The following TTC9 variants were observed in gnomAD, a reference collection of about 807,000 sequenced individuals.
The protein encoded by TTC9 is tetratricopeptide repeat protein 9A.
In TTC9, 13 loss-of-function variants were observed where a neutral mutation model predicts 22.9. The observed-to-expected ratio is 0.57, with a 90% CI of 0.37 to 0.90. TTC9 has a LOEUF of 0.90. Among genes scored for constraint, TTC9 ranks in the 40% least tolerant of loss-of-function variants. The pLI is 0.01. For synonymous variants in TTC9, 148 were observed against 133.2 expected (o/e 1.11, Z -0.77); for missense variants, 280 against 291.8 (o/e 0.96, Z 0.29).
At chr14:70,649,724 T>TA (rs759868520) in intron 1 of TTC9, among the ~76,000 whole-genome samples, 15 of 152,370 alleles carry the variant, frequency 9.8e-5, no homozygotes, top group South Asian at 4.1e-4. Context: ...ATCATCTCTG[T>TA]AGCAAAGACA....
At position 70,642,195 on chromosome 14, in the gene TTC9, G is replaced by A. The variant is rs891081353; in HGVS notation, c.66G>A (p.Gly22=). Residue 22 remains glycine (G), a synonymous_variant, in exon 1 of 3, where the codon GGG becomes GGA. Transcript: ENST00000256367. ...CGAGCCCGCCCGCGGCCGGAGAGGG[G>A]CAGCGGCCACCGCCGCCGCTGTGCG... is the stretch of plus-strand genomic sequence containing the variant. ...GNPSPPAAGE[G]QRPPPPLCVP... 3.2e-6 allele frequency: 4 copies of A among 1,241,028 alleles called. No individual in the cohort carries two copies. Among genetic ancestry groups the A allele is most frequent in the East Asian group, 6.8e-5 (2 of 29,494 alleles). The allele number at this position is 1,241,028 out of a possible 1,614,324, so 76.9% of individuals were successfully genotyped here. A position where few individuals can be genotyped will look rare whatever the true frequency, so the allele number is the denominator to read the frequency against.
At chr14:70,653,973 C>A (rs998308860) in intron 1 of TTC9, among the ~76,000 whole-genome samples, 6 of 152,164 alleles carry the variant, frequency 3.9e-5, no homozygotes, top group Non-Finnish European at 8.8e-5. Context: ...CCCCACCCAC[C>A]CTCTTGTGCA....
At chr14:70,663,038 G>A (rs1055319078) in intron 1 of TTC9, among the ~76,000 whole-genome samples, 1 of 152,080 alleles carries the variant, frequency 6.6e-6, no homozygotes, top group African/African-American at 2.4e-5. Flanking sequence ...CTGCTTATCC[G>A]CCTCCACTCT....
chr14:70,663,711 G>C (rs1166418152), intron 1 of TTC9, among the ~76,000 whole-genome samples: 1 of 141,898 alleles, frequency 7.0e-6, no homozygotes, highest in African/African-American at 2.6e-5. Flanking sequence ...CCAGGTGGGT[G>C]GGGGGGCGGG....
chr14:70,666,491 G>T (rs1269960777), intron 1 of TTC9, among the ~76,000 whole-genome samples: 2 of 152,120 alleles, frequency 1.3e-5, no homozygotes, highest in African/African-American at 4.8e-5. Flanking sequence ...GATGTTACTG[G>T]TACAAGACTA....
chr14:70,674,583 C>T lies in TTC9; in HGVS notation c.*3428C>T, dbSNP rs2139654892. 1 of 152,294 alleles carries T rather than the reference C, an allele frequency of 6.6e-6. No homozygotes were observed. Among genetic ancestry groups the T allele is most frequent in the Non-Finnish European group, 1.5e-5 (1 of 68,020 alleles). 9.4% of individuals were successfully genotyped at this position (152,294 alleles called of 1,614,324 possible). Reference sequence around the variant, plus strand: ...TAGTCAGAAGTAAATCTTCTCCCTACCCCGTCTGCCAGCATCTAGTTTCCC... The same window carrying T: ...TAGTCAGAAGTAAATCTTCTCCCTATCCCGTCTGCCAGCATCTAGTTTCCC... On this transcript the variant is annotated 3_prime_UTR_variant, in exon 3 of 3. Transcript: ENST00000256367.
intron 1 of TTC9, among the ~76,000 whole-genome samples, chr14:70,644,006 C>T (rs59854984): frequency 0.086 from 13,027 of 152,230 alleles, 964 homozygotes; most frequent in East Asian, 0.41. Context: ...CCTTTAGTTC[C>T]TGTAAGTCTT....
At chr14:70,666,625 G>A (rs190387083) in intron 1 of TTC9, among the ~76,000 whole-genome samples, 12 of 152,246 alleles carry the variant, frequency 7.9e-5, no homozygotes, top group Non-Finnish European at 2.9e-5. Context: ...GAAGGACTTG[G>A]ATTCTGGAGC....
chr14:70,666,996 G>A (rs1886224773), intron 1 of TTC9, among the ~76,000 whole-genome samples: 1 of 152,232 alleles, frequency 6.6e-6, no homozygotes, highest in African/African-American at 2.4e-5. Flanking sequence ...GGGGCTAGGA[G>A]TCCAAGATCC....
intron 1 of TTC9, among the ~76,000 whole-genome samples, chr14:70,661,139 G>A (rs530802285): frequency 6.6e-5 from 10 of 152,232 alleles, no homozygotes; most frequent in African/African-American, 2.4e-4. Context: ...GTAGCCCCAG[G>A]CACTCACTGG....
Position 70,667,758 on chromosome 14 carries a change from A to G in TTC9, c.589+12A>G. 1.3e-6 allele frequency: 2 copies of G among 1,573,122 alleles called. No individual in the cohort carries two copies. The highest frequency in any genetic ancestry group is 2.7e-5 in the African/African-American group (2 of 73,776). ...CCAACAACCAACAGGTAAGGCGGAA[A>G]TAGCTGTTTTCTTACTTCCTCCCTG... On this transcript the variant is annotated intron_variant, in intron 2 of 2. Transcript: ENST00000256367.
intron 1 of TTC9, among the ~76,000 whole-genome samples, chr14:70,642,885 C>A (rs1885845247): frequency 6.6e-6 from 1 of 152,198 alleles, no homozygotes; most frequent in Non-Finnish European, 1.5e-5. Context: ...CCACCGCTAG[C>A]CCAGCTTTTT....
intron 1 of TTC9, among the ~76,000 whole-genome samples, chr14:70,651,384 A>T (rs183505036): frequency 2.8e-5 from 4 of 143,664 alleles, no homozygotes; most frequent in Non-Finnish European, 4.4e-5. Context: ...CTGTGTAGAG[A>T]AATTATGAGT....
intron 1 of TTC9, among the ~76,000 whole-genome samples, chr14:70,651,948 T>C (rs1330930524): frequency 1.3e-5 from 2 of 151,070 alleles, no homozygotes; most frequent in Non-Finnish European, 1.5e-5. Context: ...ATCTAAATCC[T>C]TTCTGGTTTA....
intron 1 of TTC9, among the ~76,000 whole-genome samples, chr14:70,660,478 AC>A (rs1886130416): frequency 6.6e-6 from 1 of 152,266 alleles, no homozygotes; most frequent in Admixed American, 6.5e-5. Flanking sequence ...TTTCTAAAGA[AC>A]TAGTATTTAT....
Position 70,672,200 on chromosome 14 carries a change from C to A in TTC9, c.*1045C>A, listed in dbSNP as rs541392230. On this transcript the variant is annotated 3_prime_UTR_variant, in exon 3 of 3. Coordinates refer to ENST00000256367, the MANE Select transcript of TTC9 (RefSeq NM_015351.2). ...CAGCCTTTGTGCTTTTAAGAGTGGGCTGGGATTGTGGAGACTGCCCAGGGG... is the reference window on the plus strand; with the variant it reads ...CAGCCTTTGTGCTTTTAAGAGTGGGATGGGATTGTGGAGACTGCCCAGGGG... 2 of 152,338 alleles carry A rather than the reference C, an allele frequency of 1.3e-5. No individual in the cohort carries two copies. Among genetic ancestry groups the A allele is most frequent in the South Asian group, 2.1e-4 (1 of 4,826 alleles). 9.4% of individuals were successfully genotyped at this position (152,338 alleles called of 1,614,324 possible).
At chr14:70,652,615 A>C (rs1303429182) in intron 1 of TTC9, among the ~76,000 whole-genome samples, 1 of 152,212 alleles carries the variant, frequency 6.6e-6, no homozygotes, top group African/African-American at 2.4e-5. Flanking sequence ...TGATAAACAG[A>C]CTGGCAAGAG....
chr14:70,661,214 G>T (rs1886141008), intron 1 of TTC9, among the ~76,000 whole-genome samples: 1 of 151,982 alleles, frequency 6.6e-6, no homozygotes, highest in Admixed American at 6.6e-5. Context: ...CTGTCTCTGT[G>T]TCCAAATTTC....
At chr14:70,648,102 GA>G (rs1168111469) in intron 1 of TTC9, among the ~76,000 whole-genome samples, 2 of 152,190 alleles carry the variant, frequency 1.3e-5, no homozygotes, top group Admixed American at 6.5e-5. Context: ...CTAGGGTAAG[GA>G]TTGGTCAAAA....
Sources: allele counts gnomAD v4.1 joint callset (sites outside exome capture counted in the v4.1 genomes callset), GRCh38; gene constraint gnomAD v4.1.1; transcripts MANE v1.5; gene names NCBI Gene and HGNC (gene_info 2026-07-23, HGNC 2026-07-21).